The following PDE4D variants were observed in gnomAD, a reference collection of about 807,000 sequenced individuals.
PDE4D encodes the protein phosphodiesterase 4D.
Under a neutral mutation model 87.4 loss-of-function variants are expected in PDE4D, and 24 were observed. That is an observed-to-expected ratio of 0.27 (90% CI 0.20 to 0.39). The LOEUF (loss-of-function observed/expected upper bound fraction) is 0.39. Among genes scored for constraint, PDE4D ranks in the 10% least tolerant of loss-of-function variants. PDE4D has a pLI of 1.00. For synonymous variants in PDE4D, 384 were observed against 383.2 expected (o/e 1.00, Z -0.02); for missense variants, 714 against 1,041.0 (o/e 0.69, Z 4.32).
At chr5:60,429,548 C>T (rs527919458) in intron 1 of PDE4D, among the ~76,000 whole-genome samples, 137 of 152,238 alleles carry the variant, frequency 9.0e-4, no homozygotes, top group African/African-American at 3.2e-3. Flanking sequence ...TGTTCCAGTT[C>T]TCAAGAGGAA....
chr5:59,743,427 A>G (rs1391864699), intron 1 of PDE4D, among the ~76,000 whole-genome samples: 1 of 152,156 alleles, frequency 6.6e-6, no homozygotes, highest in Non-Finnish European at 1.5e-5. Flanking sequence ...GCCAACAAGT[A>G]CATGAAAAGC....
intron 5 of PDE4D, among the ~76,000 whole-genome samples, chr5:59,088,068 A>G (rs1032392594): frequency 2.6e-5 from 4 of 151,888 alleles, no homozygotes; most frequent in African/African-American, 9.7e-5. Flanking sequence ...CATGCAATAC[A>G]TGTTTGTTAA....
At chr5:59,888,495 T>C (rs1224597719) in intron 1 of PDE4D, among the ~76,000 whole-genome samples, 1 of 152,212 alleles carries the variant, frequency 6.6e-6, no homozygotes, top group Admixed American at 6.5e-5. Context: ...AATTAAAAAG[T>C]CTAATACTGT....
At chr5:59,954,113 C>G (rs1001069487) in intron 3 of PDE4D, among the ~76,000 whole-genome samples, 9 of 152,084 alleles carry the variant, frequency 5.9e-5, no homozygotes, top group African/African-American at 1.7e-4. Context: ...TTAGGAGAGA[C>G]GGGTTTCACC....
intron 2 of PDE4D, among the ~76,000 whole-genome samples, chr5:60,162,605 G>A (rs1448672028): frequency 6.6e-6 from 1 of 152,116 alleles, no homozygotes; most frequent in Non-Finnish European, 1.5e-5. Context: ...ACATCAGAAT[G>A]ACCTGGGGAG....
At chr5:60,477,327 G>T (rs1432889582) in intron 1 of PDE4D, among the ~76,000 whole-genome samples, 2 of 152,118 alleles carry the variant, frequency 1.3e-5, no homozygotes, top group East Asian at 3.9e-4. Context: ...AACTCAATTT[G>T]CTTTAAAAAG....
At position 60,155,549 on chromosome 5, in the gene PDE4D, T is replaced by G. The variant is rs138988012; in HGVS notation, c.42+30008A>C. On this transcript the variant is annotated intron_variant, in intron 2 of 16. Coordinates refer to the PDE4D transcript ENST00000502484. ...AGATGATATGGCTCCATTACATGAA[T>G]GTATTAACAACAAAATTTAAGTATT... Among the ~76,000 whole-genome samples, 594 of 152,346 alleles carry G rather than the reference T, an allele frequency of 3.9e-3. 4 individuals carry two copies. Among genetic ancestry groups the G allele is most frequent in the African/African-American group, 0.013 (558 of 41,582 alleles).
At chr5:59,094,880 T>A (rs148332699) in intron 5 of PDE4D, among the ~76,000 whole-genome samples, 1 of 151,968 alleles carries the variant, frequency 6.6e-6, no homozygotes, top group East Asian at 1.9e-4. Context: ...GAATTAGGGG[T>A]CTTCTTGTCA....
Position 58,972,801 on chromosome 5 carries a change from A to G in PDE4D, c.*1863T>C, listed in dbSNP as rs1742842690. 1 of 152,204 alleles carries G rather than the reference A, an allele frequency of 6.6e-6. No homozygotes were observed. The highest frequency in any genetic ancestry group is 2.1e-4 in the South Asian group (1 of 4,830). 9.4% of individuals were successfully genotyped at this position (152,204 alleles called of 1,614,324 possible). On this transcript the variant is annotated 3_prime_UTR_variant, in exon 15 of 15. Transcript: ENST00000340635. ...AGGTAAACACTAGGAATTAATCTCT[A>G]AAACTGTAATACAGTTCCTGGTGCT...
At chr5:60,085,203 G>A (rs1774401440) in intron 2 of PDE4D, among the ~76,000 whole-genome samples, 1 of 152,126 alleles carries the variant, frequency 6.6e-6, no homozygotes, top group African/African-American at 2.4e-5. Flanking sequence ...GCAAAAAAAT[G>A]AGAGGGGAAA....
At chr5:59,936,145 G>T (rs1756549663) in intron 3 of PDE4D, among the ~76,000 whole-genome samples, 1 of 152,044 alleles carries the variant, frequency 6.6e-6, no homozygotes, top group Non-Finnish European at 1.5e-5. Context: ...CTCACTCATA[G>T]GTGGGAATTG....
intron 1 of PDE4D, among the ~76,000 whole-genome samples, chr5:60,494,468 G>T (rs1749704372): frequency 6.6e-6 from 1 of 152,184 alleles, no homozygotes; most frequent in Admixed American, 6.5e-5. Flanking sequence ...AATGATGGAA[G>T]GGGCTGGAGA....
chr5:59,390,955 G>A (rs564876969), intron 1 of PDE4D, among the ~76,000 whole-genome samples: 4 of 152,222 alleles, frequency 2.6e-5, no homozygotes, highest in African/African-American at 7.2e-5. Flanking sequence ...TTGAAAATAC[G>A]TGGATGTGCC....
intron 1 of PDE4D, among the ~76,000 whole-genome samples, chr5:59,786,046 T>A (rs1765138470): frequency 6.6e-6 from 1 of 152,114 alleles, no homozygotes; most frequent in African/African-American, 2.4e-5. Flanking sequence ...TGAACAGAAA[T>A]GCAGACTCGT....
upstream of PDE4D, chr5:60,488,264 A>G (rs1306677743): frequency 6.6e-6 from 1 of 152,114 alleles, no homozygotes; most frequent in Non-Finnish European, 1.5e-5. Context: ...GAAAAATCAC[A>G]GCTTCCTTGT....
In PDE4D at chr5:60,474,125, T is replaced by TAAC. The variant is rs1342103461; in HGVS notation, c.-90+13816_-90+13817insGTT. ...GCTGCCATATATATATATATATATA[T>TAAC]ATATATATATATATATATATATATA... On this transcript the variant is annotated intron_variant, in intron 1 of 16. Transcript: ENST00000502484. Among the ~76,000 whole-genome samples the TAAC allele has an allele frequency of 4.1e-5, 4 of 96,524 alleles. 1 individual carries two copies. Among genetic ancestry groups the TAAC allele is most frequent in the African/African-American group, 1.8e-4 (3 of 16,688 alleles). The allele number at this position is 96,524 out of a possible 152,430, so 63.3% of individuals were successfully genotyped here. A position where few individuals can be genotyped will look rare whatever the true frequency, so the allele number is the denominator to read the frequency against.
intron 1 of PDE4D, among the ~76,000 whole-genome samples, chr5:59,601,843 T>C (rs1827552939): frequency 6.6e-6 from 1 of 152,136 alleles, no homozygotes; most frequent in South Asian, 2.1e-4. Flanking sequence ...TAGAAATTTT[T>C]CTAAAAGAAT....
At chr5:59,132,834 T>C (rs1381220727) in intron 5 of PDE4D, among the ~76,000 whole-genome samples, 1 of 152,204 alleles carries the variant, frequency 6.6e-6, no homozygotes, top group Non-Finnish European at 1.5e-5. Context: ...AACCCACAAG[T>C]AGAAATGATC....
chr5:59,346,734 C>T (rs547970812), intron 1 of PDE4D, among the ~76,000 whole-genome samples: 11 of 152,122 alleles, frequency 7.2e-5, no homozygotes, highest in Non-Finnish European at 1.3e-4. Context: ...AGAACAAAAA[C>T]GTCCCAACCA....
Sources: allele counts gnomAD v4.1 joint callset (sites outside exome capture counted in the v4.1 genomes callset), GRCh38; gene constraint gnomAD v4.1.1; transcripts MANE v1.5; gene names NCBI Gene and HGNC (gene_info 2026-07-23, HGNC 2026-07-21).